Variants in ZDHHC19 observed in about 807,000 individuals in gnomAD.
ZDHHC19 encodes zDHHC palmitoyltransferase 19.
A neutral mutation model predicts 33.9 loss-of-function variants in ZDHHC19; 30 were observed. The ratio of observed to expected loss-of-function variants is 0.88; its 90% CI spans 0.66 to 1.20. ZDHHC19 has a LOEUF of 1.20. Among genes scored for constraint, ZDHHC19 ranks in the 50% most tolerant of loss-of-function variants. The pLI is 0.00. For missense variants in ZDHHC19, 364 were observed against 401.1 expected (o/e 0.91, Z 0.79); for synonymous variants, 178 against 167.6 (o/e 1.06, Z -0.48).
At chr3:196,200,346 A>ATATG (rs1384861421) in intron 5 of ZDHHC19, among the ~76,000 whole-genome samples, 18 of 129,236 alleles carry the variant, frequency 1.4e-4, no homozygotes, top group African/African-American at 5.3e-4. Context: ...ATATATATGT[A>ATATG]TATATATATA....
chr3:196,198,480 C>T (rs1365154961), intron 6 of ZDHHC19, 29 bp from the exon 7 acceptor site: 2 of 1,595,010 alleles, frequency 1.3e-6, no homozygotes, highest in South Asian at 1.1e-5. Context: ...GATGCAGGGG[C>T]CACCGTCCTC....
At chr3:196,200,146 G>A (rs1278525814) in intron 5 of ZDHHC19, among the ~76,000 whole-genome samples, 2 of 150,886 alleles carry the variant, frequency 1.3e-5, no homozygotes, top group African/African-American at 2.4e-5. Flanking sequence ...GTGGCATTGT[G>A]CACCTGTAGT....
At position 196,210,728 on chromosome 3, in the gene ZDHHC19, C is replaced by T. The variant is rs762614784; in HGVS notation, c.156G>A (p.Trp52Ter). ...SGLFFAFPCR[W>*]LAQNGEWAFP... The stretch of plus-strand genomic sequence containing the variant: ...AGGCCCACTCCCCGTTCTGAGCCAG[C>T]CACCTGCAACTGAGACCAGAGGCAG... The change falls in exon 2 of 8, where the codon TGG (tryptophan) becomes TGA (stop). Residue 52 changes from tryptophan (W) to a stop codon, truncating the protein, a stop_gained. Coordinates refer to ENST00000296326, the MANE Select transcript of ZDHHC19 (RefSeq NM_001039617.2). LOFTEE classifies it high-confidence loss of function. 1.2e-6 allele frequency: 2 copies of T among 1,613,386 alleles called. No individual in the cohort carries two copies. The highest frequency in any genetic ancestry group is 1.7e-6 in the Non-Finnish European group (2 of 1,179,690).
Position 196,203,843 on chromosome 3 carries a change from T to A in ZDHHC19, c.687+3555A>T, listed in dbSNP as rs1722541360. Among the ~76,000 whole-genome samples, 1 of 151,614 alleles carries A rather than the reference T, an allele frequency of 6.6e-6. No individual in the cohort carries two copies. The highest frequency in any genetic ancestry group is 6.6e-5 in the Admixed American group (1 of 15,214). On this transcript the variant is annotated intron_variant, in intron 5 of 7. Transcript: ENST00000296326. The surrounding 1 kb of genome is among the most constrained non-coding windows in gnomAD (Gnocchi z 4.3). Reference sequence around the variant, plus strand: ...CACAGGTGGGGGAGCCAAATATGGGTGTGGTGGAGTGATTGAAGGGTGACT... The same window carrying A: ...CACAGGTGGGGGAGCCAAATATGGGAGTGGTGGAGTGATTGAAGGGTGACT...
rs750796396 is a variant in ZDHHC19 at position 196,207,391 on chromosome 3, C to A, written c.687+7G>T. On this transcript the variant is annotated splice_region_variant and intron_variant, in intron 5 of 7. Coordinates refer to ENST00000296326, the MANE Select transcript of ZDHHC19 (RefSeq NM_001039617.2). ...GGTGCAAGCTGACCACCCGCGGCCC[C>A]GCGTACCTTGCCCTTGTAGGTGCGG... is the stretch of plus-strand genomic sequence containing the variant. The A allele has an allele frequency of 1.3e-6, 2 of 1,552,884 alleles. No homozygotes were observed. The highest frequency in any genetic ancestry group is 1.7e-6 in the Non-Finnish European group (2 of 1,148,848).
In ZDHHC19 at chr3:196,207,508, G is replaced by T. The variant is rs760314859; in HGVS notation, c.582-5C>A. 1.2e-5 allele frequency: 18 copies of T among 1,549,862 alleles called. No individual in the cohort carries two copies. The Admixed American group carries it at 3.5e-4, about 30-fold the overall frequency. On this transcript the variant is annotated splice_region_variant and splice_polypyrimidine_tract_variant and intron_variant, in intron 4 of 7. Coordinates refer to ENST00000296326, the MANE Select transcript of ZDHHC19 (RefSeq NM_001039617.2). ...GCGGACACGGCCACCACGATGCTGC[G>T]CGGGTTAAGGAACCGGGCTGCGGGA...
rs770614603 is a variant in ZDHHC19, at chr3:196,211,159, G to A, written c.146+11C>T. ...TTGTGGGAAACCTAACGGCTTGCCTGGAAAACTCACGGGAATGCGAAGAAG... is the reference window on the plus strand; with the variant it reads ...TTGTGGGAAACCTAACGGCTTGCCTAGAAAACTCACGGGAATGCGAAGAAG... On this transcript the variant is annotated intron_variant, in intron 1 of 7. Transcript: ENST00000296326. 6.2e-7 allele frequency: 1 copy of A among 1,614,112 alleles called. No homozygotes were observed. The highest frequency in any genetic ancestry group is 1.7e-5 in the Admixed American group (1 of 60,010).
intron 5 of ZDHHC19, among the ~76,000 whole-genome samples, chr3:196,200,904 C>G (rs977603268): frequency 5.3e-5 from 8 of 151,622 alleles, no homozygotes; most frequent in Non-Finnish European, 8.8e-5. Flanking sequence ...CCCACCTCAG[C>G]CTTTCAAAGG....
At chr3:196,200,627 T>G (rs1338592073) in intron 5 of ZDHHC19, among the ~76,000 whole-genome samples, 2 of 149,500 alleles carry the variant, frequency 1.3e-5, no homozygotes, top group East Asian at 3.9e-4. Context: ...GTGCTGGGAT[T>G]ACAAGCGTGA....
rs368365020 is a variant in ZDHHC19 at position 196,199,900 on chromosome 3, A to G, written c.688-1026T>C. Among the ~76,000 whole-genome samples the G allele has an allele frequency of 5.2e-3, 797 of 152,030 alleles. 24 individuals carry two copies. The South Asian group carries it at 0.082, about 16-fold the overall frequency. ...GCGGAGGTTGCAGTGAGCCGAGATC[A>G]TGCCACTGCACTCCAGCCTGGGCGA... is the stretch of plus-strand genomic sequence containing the variant. On this transcript the variant is annotated intron_variant, in intron 5 of 7. Coordinates refer to ENST00000296326, the MANE Select transcript of ZDHHC19 (RefSeq NM_001039617.2).
chr3:196,210,335 AAGAAAGAAAAG>A (rs1198505742), intron 2 of ZDHHC19, among the ~76,000 whole-genome samples: 28 of 134,266 alleles, frequency 2.1e-4, no homozygotes, highest in African/African-American at 6.6e-4. Flanking sequence ...GAAAGAAAGA[AAGAAAGAAAAG>A]AGAAAGAAAG....
At chr3:196,205,333 G>A (rs960151596) in intron 5 of ZDHHC19, among the ~76,000 whole-genome samples, 2 of 152,086 alleles carry the variant, frequency 1.3e-5, no homozygotes, top group African/African-American at 4.8e-5. Context: ...AGGAATAAAC[G>A]ACTGCTATGA....
intron 5 of ZDHHC19, among the ~76,000 whole-genome samples, chr3:196,201,646 A>G (rs1476778721): frequency 2.6e-5 from 4 of 151,910 alleles, no homozygotes; most frequent in East Asian, 2.0e-4. Flanking sequence ...GCTTGAACCT[A>G]GGAGGTGGAG....
rs1722487218 is a variant in ZDHHC19 at position 196,203,094 on chromosome 3, T to A, written c.688-4220A>T. On this transcript the variant is annotated intron_variant, in intron 5 of 7. Transcript: ENST00000296326. This position sits in a 1 kb window ranked among gnomAD's most constrained non-coding sequence, Gnocchi z 4.3. ...GGCCAACATGGTGAAACCCCGTCTC[T>A]ACTAAAAATACAAAAAATCAGGTGG... Among the ~76,000 whole-genome samples the A allele has an allele frequency of 6.6e-6, 1 of 151,890 alleles. No homozygotes were observed.
At chr3:196,210,466 AGAGTG>A in intron 2 of ZDHHC19, 145 bp downstream of exon 2, 6 of 801,170 alleles carry the variant, frequency 7.5e-6, no homozygotes, top group South Asian at 2.3e-5. Flanking sequence ...AAGAGAAGAA[AGAGTG>A]AGCGAGGGCC....
At chr3:196,205,141 A>ATGAC (rs1722636737) in intron 5 of ZDHHC19, among the ~76,000 whole-genome samples, 1 of 152,094 alleles carries the variant, frequency 6.6e-6, no homozygotes. Context: ...CAATTACCAT[A>ATGAC]TGACCCCTTC....
chr3:196,208,328 C>G, intron 4 of ZDHHC19, 60 bp downstream of exon 4: 1 of 1,557,414 alleles, frequency 6.4e-7, no homozygotes, highest in East Asian at 2.3e-5. Flanking sequence ...GCCCCGCCCT[C>G]TGCAGCCCCC....
chr3:196,204,492 A>C (rs1722586456), intron 5 of ZDHHC19, among the ~76,000 whole-genome samples: 1 of 152,232 alleles, frequency 6.6e-6, no homozygotes, highest in Non-Finnish European at 1.5e-5. Flanking sequence ...TGAAAATCCT[A>C]GCAGATTTTT....
Position 196,198,967 on chromosome 3 carries a change from C to T in ZDHHC19, c.688-93G>A, listed in dbSNP as rs1041572040. On this transcript the variant is annotated intron_variant, in intron 5 of 7. Coordinates refer to ENST00000296326, the MANE Select transcript of ZDHHC19 (RefSeq NM_001039617.2). ...GCCCTCCCTGAGCTGGTCAGCTAGC[C>T]AGGGCTCAGCCCAGGGCACCAGCAA... 2.3e-6 allele frequency: 3 copies of T among 1,325,642 alleles called. No individual in the cohort carries two copies. In the African/African-American group the frequency reaches 4.3e-5, roughly 19 times the overall value. 82.1% of individuals were successfully genotyped at this position (1,325,642 alleles called of 1,614,324 possible). A position where few individuals can be genotyped will look rare whatever the true frequency, so the allele number is the denominator to read the frequency against.
Sources: gnomAD v4.1 joint callset for allele counts (sites outside exome capture counted in the v4.1 genomes callset) on GRCh38, gnomAD v4.1.1 for gene constraint, Gnocchi (gnomAD v3.1) non-coding constraint, MANE v1.5 for transcripts, NCBI Gene and HGNC (gene_info 2026-07-23, HGNC 2026-07-21) for gene names.